GPAM: variants seen among roughly 807,000 people sequenced by gnomAD.
GPAM encodes glycerol-3-phosphate acyltransferase, mitochondrial.
In GPAM, 56 loss-of-function variants were observed where a neutral mutation model predicts 105.0. The ratio of observed to expected loss-of-function variants is 0.53; its 90% CI spans 0.43 to 0.67. GPAM has a LOEUF of 0.67. Ranked by LOEUF, GPAM falls within the 30% of genes least tolerant of loss-of-function variation. The pLI is 0.00. For synonymous variants in GPAM, 368 were observed against 354.4 expected (o/e 1.04, Z -0.43); for missense variants, 855 against 989.8 (o/e 0.86, Z 1.83).
In GPAM at chr10:112,194,339, T is replaced by C. The variant is rs569705824; in HGVS notation, n.211-11448A>G. 2.6e-5 allele frequency among the ~76,000 whole-genome samples: 4 copies of C among 152,336 alleles called. No individual in the cohort carries two copies. The East Asian group carries it at 7.7e-4, about 29-fold the overall frequency. ...GACTGAGATAAACCAAAGGTCGTAA[T>C]GTAGAATGAAGAGACTTAGGTGCTT... On this transcript the variant is annotated intron_variant and non_coding_transcript_variant, in intron 1 of 3. Coordinates refer to the GPAM transcript ENST00000480130.
chr10:112,157,635 A>G (rs1847041758), intron 18 of GPAM, among the ~76,000 whole-genome samples: 1 of 152,182 alleles, frequency 6.6e-6, no homozygotes, highest in Admixed American at 6.5e-5. Context: ...GTACCCCCAC[A>G]TGTTCTAAAT....
rs751078109 is a variant in GPAM, at chr10:112,157,303, A to C, written c.2067T>G (p.Asp689Glu). ...CAAAGTCACTGTCTTCATCTTCTTCATCACTTCTCCAAGACAAAGGTTCTG... is the reference window on the plus strand; with the variant it reads ...CAAAGTCACTGTCTTCATCTTCTTCCTCACTTCTCCAAGACAAAGGTTCTG... ...KLPEPLSWRS[D>E]EEDEDSDFGE... The change falls in exon 19 of 22, where the codon GAT (aspartate) becomes GAG (glutamate). Residue 689 changes from aspartate to glutamate, a missense_variant. Physicochemically the swap from Asp to Glu is conservative, Grantham distance 45. Coordinates refer to ENST00000348367, the MANE Select transcript of GPAM (RefSeq NM_001244949.2). The C allele has an allele frequency of 2.5e-6, 4 of 1,613,676 alleles. No homozygotes were observed. The highest frequency in any genetic ancestry group is 3.3e-4 in the Middle Eastern group (2 of 6,062).
intron 6 of GPAM, 66 bp downstream of exon 6, chr10:112,175,534 T>C (rs1847386441): frequency 1.2e-6 from 1 of 824,528 alleles, no homozygotes; most frequent in Non-Finnish European, 2.2e-6. Flanking sequence ...TAAGAATTAC[T>C]TCCCCCTCCC....
At position 112,166,402 on chromosome 10, in the gene GPAM, C is replaced by A; in HGVS notation, c.1221G>T (p.Lys407Asn). Residue 407 changes from lysine to asparagine, a missense_variant and splice_region_variant, in exon 12 of 22, where the codon AAG becomes AAT. Transcript: ENST00000348367. ...RVDFAQPFSL[K>N]EYLESQSQKP... Reference sequence around the variant, plus strand: ...TGGTTTCATTTCAACAGACACTCACCTTTAAGGAAAATGGCTGTGCAAAAT... The same window carrying A: ...TGGTTTCATTTCAACAGACACTCACATTTAAGGAAAATGGCTGTGCAAAAT... 6.5e-7 allele frequency: 1 copy of A among 1,537,534 alleles called. No individual in the cohort carries two copies. The highest frequency in any genetic ancestry group is 1.1e-5 in the South Asian group (1 of 89,490).
At chr10:112,156,705 A>C (rs1847024378) in intron 19 of GPAM, 1 of 166,130 alleles carries the variant, frequency 6.0e-6, no homozygotes, top group African/African-American at 2.4e-5. Context: ...TAAATGTCAA[A>C]AAAGAGTAAT....
intron 9 of GPAM, among the ~76,000 whole-genome samples, chr10:112,169,390 A>C (rs1272956728): frequency 6.6e-6 from 1 of 152,186 alleles, no homozygotes; most frequent in Non-Finnish European, 1.5e-5. Flanking sequence ...CTTGGGGGAA[A>C]TTTTCTCAAA....
chr10:112,200,167 AATATATATATATATAT>A (rs10528337), intron 1 of GPAM, among the ~76,000 whole-genome samples: 15,928 of 87,084 alleles, frequency 0.18, 1,865 homozygotes, highest in African/African-American at 0.29. Context: ...TTGTAAAGGA[AATATATATATATATAT>A]ATATATATAT....
rs541904432 is a variant in GPAM at position 112,173,917 on chromosome 10, C to A, written c.414-72G>T. 164 of 1,239,566 alleles carry A rather than the reference C, an allele frequency of 1.3e-4. 1 individual carries two copies. In the African/African-American group the frequency reaches 2.3e-3, roughly 17 times the overall value. 76.8% of individuals were successfully genotyped at this position (1,239,566 alleles called of 1,614,324 possible). ...CATTCTGTATTCAGTATTTTCTAAACTGCAGCTGTAAATCACAAAACAAAA... is the reference window on the plus strand; with the variant it reads ...CATTCTGTATTCAGTATTTTCTAAAATGCAGCTGTAAATCACAAAACAAAA... On this transcript the variant is annotated intron_variant, in intron 6 of 21. Coordinates refer to ENST00000348367, the MANE Select transcript of GPAM (RefSeq NM_001244949.2).
intron 1 of GPAM, among the ~76,000 whole-genome samples, chr10:112,201,495 C>T (rs1054245096): frequency 1.3e-5 from 2 of 152,156 alleles, no homozygotes; most frequent in African/African-American, 2.4e-5. Flanking sequence ...ACTCAACCCT[C>T]GTCCCCAAGG....
At chr10:112,218,822 T>G (rs529937966), upstream of GPAM, among the ~76,000 whole-genome samples, 26 of 152,326 alleles carry the variant, frequency 1.7e-4, no homozygotes, top group South Asian at 5.4e-3. Flanking sequence ...ATTTGTAAAC[T>G]GTCATGGTGC....
At chr10:112,181,163 A>G (rs1269958812) in intron 3 of GPAM, among the ~76,000 whole-genome samples, 25 of 151,656 alleles carry the variant, frequency 1.6e-4, no homozygotes, top group Admixed American at 1.6e-3. Context: ...TGTTATACAG[A>G]TATAACATTC....
At chr10:112,154,743 T>C (rs1589575638) in intron 20 of GPAM, 56 bp from the exon 21 acceptor site, 1 of 1,257,904 alleles carries the variant, frequency 7.9e-7, no homozygotes, top group South Asian at 1.2e-5. Context: ...ATCATGACAA[T>C]CCCAGCAGCC....
rs182022403 is a variant in GPAM at position 112,151,554 on chromosome 10, C to G, written c.*1996G>C. On this transcript the variant is annotated 3_prime_UTR_variant, in exon 22 of 22. Transcript: ENST00000348367. ...CATTGCATTCCCCAAAGCATCTGAA[C>G]GTACTTCTAGAAAACAAACCAACCA... 8 of 985,632 alleles carry G rather than the reference C, an allele frequency of 8.1e-6. No homozygotes were observed. Among genetic ancestry groups the G allele is most frequent in the Non-Finnish European group, 9.6e-6 (8 of 829,790 alleles). 61.1% of individuals were successfully genotyped at this position (985,632 alleles called of 1,614,324 possible).
In GPAM at chr10:112,177,999, T is replaced by A; in HGVS notation, c.284A>T (p.Asn95Ile). The A allele has an allele frequency of 1.9e-6, 3 of 1,587,412 alleles. No homozygotes were observed. Among genetic ancestry groups the A allele is most frequent in the Non-Finnish European group, 2.6e-6 (3 of 1,156,080 alleles). The change falls in exon 5 of 22, where the codon AAT becomes ATT. Residue 95 changes from asparagine (N) to isoleucine (I), a missense_variant. Physicochemically the swap from Asn to Ile is moderately radical, Grantham distance 149. Coordinates refer to ENST00000348367, the MANE Select transcript of GPAM (RefSeq NM_001244949.2). ...TTCTTTTTACCTTGTGTGAGTTTCA[T>A]TGATATAAATAACATTCCGCAAACC... ...SLGLRNVIYINETHTRHRGWL... is the reference protein window; with the variant it reads ...SLGLRNVIYIIETHTRHRGWL...
chr10:112,178,544 C>T (rs1564682381), intron 4 of GPAM, among the ~76,000 whole-genome samples: 1 of 146,916 alleles, frequency 6.8e-6, no homozygotes. Context: ...AGCAAGACTC[C>T]ATCTCAAAAA....
chr10:112,196,976 T>C (rs566273626), intron 1 of GPAM, among the ~76,000 whole-genome samples: 24 of 152,332 alleles, frequency 1.6e-4, no homozygotes, highest in Non-Finnish European at 2.9e-4. Context: ...CATATGTAAA[T>C]TAAGCACACA....
intron 1 of GPAM, among the ~76,000 whole-genome samples, chr10:112,206,619 T>C (rs1463444908): frequency 1.7e-5 from 2 of 116,530 alleles, no homozygotes; most frequent in African/African-American, 7.0e-5. Context: ...AATTGAACAA[T>C]GAGATCACAT....
intron 1 of GPAM, among the ~76,000 whole-genome samples, chr10:112,204,242 T>C (rs1847833595): frequency 6.7e-6 from 1 of 148,622 alleles, no homozygotes; most frequent in African/African-American, 2.6e-5. Context: ...ATTACAGAAT[T>C]TTTTCTTTGT....
At chr10:112,159,864 A>G (rs376287873) in intron 17 of GPAM, 47 bp downstream of exon 17, 55 of 1,595,458 alleles carry the variant, frequency 3.4e-5, no homozygotes, top group Non-Finnish European at 4.7e-5. Context: ...TTTTCATGAA[A>G]ACGCTCAAGA....
Sources: allele counts gnomAD v4.1 joint callset (sites outside exome capture counted in the v4.1 genomes callset), GRCh38; gene constraint gnomAD v4.1.1; transcripts MANE v1.5; gene names NCBI Gene and HGNC (gene_info 2026-07-23, HGNC 2026-07-21).